Variants in CRYBB1 observed in about 807,000 individuals in gnomAD.
CRYBB1 encodes the protein beta-crystallin B1.
In CRYBB1, 16 loss-of-function variants were observed where a neutral mutation model predicts 29.5. That is an observed-to-expected ratio of 0.54 (90% CI 0.37 to 0.82). CRYBB1 has a LOEUF of 0.82. Ranked by LOEUF, CRYBB1 falls within the 40% of genes least tolerant of loss-of-function variation. The pLI, the probability that CRYBB1 is intolerant of heterozygous loss-of-function variation, is 0.00. For synonymous variants in CRYBB1, 127 were observed against 136.7 expected, an observed-to-expected ratio of 0.93 and a Z score of 0.49; for missense variants, 300 against 350.5, an observed-to-expected ratio of 0.86 and a Z score of 1.15.
At chr22:26,600,050 G>C (rs1394362244) in intron 5 of CRYBB1, among the ~76,000 whole-genome samples, 1 of 152,142 alleles carries the variant, frequency 6.6e-6, no homozygotes, top group African/African-American at 2.4e-5. Context: ...GCAAGAATAG[G>C]ACTTAGGGAC....
chr22:26,604,086 A>G (rs1262725105), intron 4 of CRYBB1, among the ~76,000 whole-genome samples: 1 of 152,222 alleles, frequency 6.6e-6, no homozygotes, highest in Non-Finnish European at 1.5e-5. Context: ...AAAAGTCATC[A>G]TGCACTGTTT....
chr22:26,614,957 T>G (rs958432971), intron 2 of CRYBB1, among the ~76,000 whole-genome samples: 3 of 152,144 alleles, frequency 2.0e-5, no homozygotes, highest in African/African-American at 7.2e-5. Context: ...AGGACAGTAT[T>G]TCCTGGAGTT....
intron 2 of CRYBB1, among the ~76,000 whole-genome samples, chr22:26,613,982 A>G (rs1428182625): frequency 1.3e-5 from 2 of 152,194 alleles, no homozygotes; most frequent in Admixed American, 6.5e-5. Context: ...CGCTGCAGAG[A>G]TGAGATAGAC....
chr22:26,607,581 C>T (rs1929021377), intron 4 of CRYBB1, among the ~76,000 whole-genome samples: 1 of 134,632 alleles, frequency 7.4e-6, no homozygotes, highest in Non-Finnish European at 1.6e-5. Flanking sequence ...AAAAAAAAAG[C>T]TCCCAGTAAG....
chr22:26,607,403 T>G (rs1013879265), intron 4 of CRYBB1, among the ~76,000 whole-genome samples: 1 of 151,858 alleles, frequency 6.6e-6, no homozygotes, highest in Non-Finnish European at 1.5e-5. Context: ...TTTGAAAAGT[T>G]TTCCCAGGCC....
chr22:26,604,578 T>A (rs550821995), intron 4 of CRYBB1, among the ~76,000 whole-genome samples: 146 of 152,004 alleles, frequency 9.6e-4, no homozygotes, highest in African/African-American at 3.1e-3. Flanking sequence ...CCTTGGAGGT[T>A]AAGGAGGAGT....
chr22:26,617,120 G>T (rs903420757), intron 1 of CRYBB1, among the ~76,000 whole-genome samples: 45 of 152,284 alleles, frequency 3.0e-4, no homozygotes, highest in Middle Eastern at 3.4e-3. Context: ...CTTATGGGAG[G>T]ACCCAAGAGG....
chr22:26,603,533 A>G (rs1479594439), intron 4 of CRYBB1, among the ~76,000 whole-genome samples: 1 of 151,714 alleles, frequency 6.6e-6, no homozygotes, highest in Non-Finnish European at 1.5e-5. Flanking sequence ...GTCTCAAACA[A>G]CAACAACAAA....
At chr22:26,602,436 T>C (rs925854998) in intron 4 of CRYBB1, among the ~76,000 whole-genome samples, 2 of 151,814 alleles carry the variant, frequency 1.3e-5, no homozygotes, top group African/African-American at 4.8e-5. Flanking sequence ...ATAATTTTTT[T>C]TTTAATTTGC....
chr22:26,615,136 C>T (rs1479161896), intron 2 of CRYBB1, among the ~76,000 whole-genome samples: 1 of 152,240 alleles, frequency 6.6e-6, no homozygotes, highest in East Asian at 1.9e-4. Flanking sequence ...CTGCCACGCA[C>T]TGACCACATG....
intron 1 of CRYBB1, 128 bp from the exon 2 acceptor site, chr22:26,616,466 C>G: frequency 4.3e-6 from 3 of 691,818 alleles, no homozygotes; most frequent in Non-Finnish European, 7.6e-6. Context: ...AACGGTTAAG[C>G]CTGGAAGTTT....
At chr22:26,615,723 A>G (rs1376703220) in intron 2 of CRYBB1, among the ~76,000 whole-genome samples, 1 of 152,098 alleles carries the variant, frequency 6.6e-6, no homozygotes, top group Non-Finnish European at 1.5e-5. Context: ...CATGTTGGCC[A>G]GGCTGGTCTC....
intron 4 of CRYBB1, among the ~76,000 whole-genome samples, chr22:26,603,389 G>A (rs1054545413): frequency 5.3e-5 from 8 of 151,296 alleles, no homozygotes; most frequent in African/African-American, 1.9e-4. Flanking sequence ...AATTAGCCAG[G>A]TGCAATCACA....
chr22:26,611,113 G>T (rs1053670181), intron 3 of CRYBB1, among the ~76,000 whole-genome samples: 1 of 152,146 alleles, frequency 6.6e-6, no homozygotes, highest in Non-Finnish European at 1.5e-5. Flanking sequence ...ACAGAGACAG[G>T]AACAGGCAGT....
chr22:26,609,190 G>T (rs189668025), intron 3 of CRYBB1, among the ~76,000 whole-genome samples: 2 of 152,326 alleles, frequency 1.3e-5, no homozygotes, highest in Admixed American at 6.5e-5. Flanking sequence ...TCCCCAGAAG[G>T]AGACAAGGAT....
intron 3 of CRYBB1, among the ~76,000 whole-genome samples, chr22:26,611,770 G>A (rs1929173995): frequency 1.3e-5 from 2 of 152,098 alleles, no homozygotes; most frequent in Admixed American, 1.3e-4. Context: ...CACCGCGCCC[G>A]GCCGGGCTAG....
chr22:26,609,588 A>G (rs1463672778), intron 3 of CRYBB1, among the ~76,000 whole-genome samples: 1 of 152,096 alleles, frequency 6.6e-6, no homozygotes, highest in African/African-American at 2.4e-5. Context: ...GTGATGGAGA[A>G]CACATGGTGG....
At chr22:26,607,378 G>A (rs1219600703) in intron 4 of CRYBB1, among the ~76,000 whole-genome samples, 1 of 151,834 alleles carries the variant, frequency 6.6e-6, no homozygotes, top group Non-Finnish European at 1.5e-5. Context: ...TTGGTGTTTC[G>A]AATGGGCACT....
rs1468001091 is a variant in CRYBB1, at chr22:26,599,555, G to C, written c.694C>G (p.Leu232Val). Residue 232 changes from leucine (L) to valine (V), a missense_variant, in exon 6 of 6, where the codon CTG (leucine) becomes GTG (valine). Physicochemically the swap from Leu to Val is conservative, Grantham distance 32. Transcript: ENST00000647684. ...FQPQMQSLRRLRDKQWHLEGS... is the reference protein window; with the variant it reads ...FQPQMQSLRRVRDKQWHLEGS... ...TCGAGGTGCCACTGCTTGTCACGCA[G>C]GCGACGCAGGGACTGCATCTGTGGC... The C allele has an allele frequency of 1.9e-6, 3 of 1,614,082 alleles. No homozygotes were observed. Among genetic ancestry groups the C allele is most frequent in the Non-Finnish European group, 2.5e-6 (3 of 1,180,056 alleles).
Sources: allele counts gnomAD v4.1 joint callset (sites outside exome capture counted in the v4.1 genomes callset), GRCh38; gene constraint gnomAD v4.1.1; transcripts MANE v1.5; gene names NCBI Gene and HGNC (gene_info 2026-07-23, HGNC 2026-07-21).